Variants in FKBP5 observed in about 807,000 individuals in gnomAD.
FKBP5 encodes the protein peptidyl-prolyl cis-trans isomerase FKBP5.
Under a neutral mutation model 50.5 loss-of-function variants are expected in FKBP5, and 23 were observed. The observed-to-expected ratio is 0.46, with a 90% CI of 0.33 to 0.65. FKBP5 has a LOEUF of 0.65. Among genes scored for constraint, FKBP5 ranks in the 30% least tolerant of loss-of-function variants. The pLI is 0.02. For missense variants in FKBP5, 411 were observed against 553.1 expected (o/e 0.74, Z 2.58); for synonymous variants, 176 against 190.6 (o/e 0.92, Z 0.63).
intron 4 of FKBP5, among the ~76,000 whole-genome samples, chr6:35,619,647 G>T (rs901800937): frequency 1.3e-5 from 2 of 152,140 alleles, no homozygotes; most frequent in Non-Finnish European, 2.9e-5. Context: ...ACCTAGCTGG[G>T]GTGGTTCTTA....
At chr6:35,581,285 AATATAT>A (rs763393400) in intron 8 of FKBP5, 244 of 388,524 alleles carry the variant, frequency 6.3e-4, no homozygotes, top group African/African-American at 5.0e-3. Flanking sequence ...ATATATATAT[AATATAT>A]ATATATATAC....
chr6:35,586,642 A>C, intron 8 of FKBP5: 1 of 1,010,592 alleles, frequency 9.9e-7, no homozygotes, highest in Non-Finnish European at 1.2e-6. Flanking sequence ...AATGATGTGA[A>C]ACTTACCCTT....
intron 2 of FKBP5, among the ~76,000 whole-genome samples, chr6:35,640,319 T>C (rs55922240): frequency 0.066 from 10,095 of 152,270 alleles, 483 homozygotes; most frequent in Admixed American, 0.12. Flanking sequence ...CTGCAGGCAA[T>C]TGTAAAACAG....
intron 2 of FKBP5, among the ~76,000 whole-genome samples, chr6:35,641,007 A>G (rs1764470573): frequency 6.6e-6 from 1 of 152,018 alleles, no homozygotes; most frequent in Non-Finnish European, 1.5e-5. Context: ...TTGAGACAGG[A>G]TCTCACTCTC....
At chr6:35,578,139 A>G (rs1762287506) in intron 9 of FKBP5, among the ~76,000 whole-genome samples, 1 of 152,130 alleles carries the variant, frequency 6.6e-6, no homozygotes, top group African/African-American at 2.4e-5. Flanking sequence ...CATATTAAAA[A>G]AAACCATAAA....
intron 1 of FKBP5, 158 bp downstream of exon 1, chr6:35,688,646 C>T (rs966063774): frequency 4.0e-5 from 6 of 150,796 alleles, no homozygotes; most frequent in African/African-American, 1.5e-4. Context: ...GGCTTCCGGA[C>T]CCCGCTCCCC....
At chr6:35,668,600 TAA>T (rs757116408) in intron 1 of FKBP5, among the ~76,000 whole-genome samples, 5 of 152,232 alleles carry the variant, frequency 3.3e-5, no homozygotes, top group Non-Finnish European at 7.3e-5. Context: ...GGAATAGTTA[TAA>T]GTCACCTCTT....
In FKBP5 at chr6:35,575,758, T is replaced by C. The variant is rs1303929665; in HGVS notation, c.*77A>G. On this transcript the variant is annotated 3_prime_UTR_variant, in exon 11 of 11. Coordinates refer to ENST00000357266, the MANE Select transcript of FKBP5 (RefSeq NM_004117.4). ...CTATAACAAACTTTACATTAAACACTGTTCTGTCCTGAGTTGGGGGAAAGC... is the reference window on the plus strand; with the variant it reads ...CTATAACAAACTTTACATTAAACACCGTTCTGTCCTGAGTTGGGGGAAAGC... 2 of 965,990 alleles carry C rather than the reference T, an allele frequency of 2.1e-6. No individual in the cohort carries two copies. The highest frequency in any genetic ancestry group is 2.4e-5 in the East Asian group (1 of 41,996). The allele number at this position is 965,990 out of a possible 1,614,324, so 59.8% of individuals were successfully genotyped here.
At chr6:35,626,921 T>G (rs1030172351) in intron 3 of FKBP5, among the ~76,000 whole-genome samples, 1 of 152,252 alleles carries the variant, frequency 6.6e-6, no homozygotes, top group Non-Finnish European at 1.5e-5. Flanking sequence ...TTGCTGTTAA[T>G]AATGCTGCTA....
At chr6:35,707,410 G>C (rs1766338522) in intron 2 of FKBP5, among the ~76,000 whole-genome samples, 1 of 151,246 alleles carries the variant, frequency 6.6e-6, no homozygotes, top group Non-Finnish European at 1.5e-5. Context: ...TTTTAGTAGA[G>C]ACGGGGTTTC....
upstream of FKBP5, among the ~76,000 whole-genome samples, chr6:35,689,775 T>G (rs1319184922): frequency 6.6e-6 from 1 of 152,072 alleles, no homozygotes; most frequent in Non-Finnish European, 1.5e-5. Flanking sequence ...AGGCAGAGGT[T>G]GTAGTGAGTC....
chr6:35,585,639 A>C, intron 8 of FKBP5: 1 of 945,200 alleles, frequency 1.1e-6, no homozygotes, highest in Non-Finnish European at 1.3e-6. Flanking sequence ...AATAATGATA[A>C]ATAACATATT....
intron 1 of FKBP5, among the ~76,000 whole-genome samples, chr6:35,677,112 C>T (rs1011063802): frequency 6.6e-5 from 10 of 152,166 alleles, no homozygotes; most frequent in Admixed American, 2.0e-4. Flanking sequence ...CTCCCTCTGT[C>T]GCCCAGGCTG....
chr6:35,597,484 G>A (rs928959165), intron 5 of FKBP5, 80 bp from the exon 6 acceptor site: 5 of 1,461,106 alleles, frequency 3.4e-6, no homozygotes, highest in African/African-American at 1.4e-5. Context: ...ATGAGTGGTC[G>A]ACAATGTAGC....
upstream of FKBP5, among the ~76,000 whole-genome samples, chr6:35,691,025 T>TAAATAAAATA (rs950661118): frequency 4.2e-4 from 63 of 151,668 alleles, 1 homozygote; most frequent in African/African-American, 1.5e-3. Context: ...TAATAATAAA[T>TAAATAAAATA]AAATAAAATA....
chr6:35,584,758 G>T (rs1227880244), intron 8 of FKBP5: 6 of 985,110 alleles, frequency 6.1e-6, no homozygotes, highest in Middle Eastern at 5.2e-4. Flanking sequence ...TTCCCCAATG[G>T]ACTAATGTTT....
intron 1 of FKBP5, among the ~76,000 whole-genome samples, chr6:35,683,139 TG>T (rs1765727038): frequency 7.2e-6 from 1 of 138,018 alleles, no homozygotes; most frequent in Non-Finnish European, 1.5e-5. Flanking sequence ...TGTGTGTGTG[TG>T]TGTGTGTGTG....
At chr6:35,619,693 T>C (rs1469745294) in intron 4 of FKBP5, among the ~76,000 whole-genome samples, 2 of 152,230 alleles carry the variant, frequency 1.3e-5, no homozygotes, top group Non-Finnish European at 2.9e-5. Context: ...TAATTCAACA[T>C]AGGATGAATA....
intron 1 of FKBP5, among the ~76,000 whole-genome samples, chr6:35,644,499 A>G (rs1764576753): frequency 6.6e-6 from 1 of 152,174 alleles, no homozygotes; most frequent in Admixed American, 6.5e-5. Context: ...CACAAATCCA[A>G]TTGTTGTGCC....
Sources: allele counts gnomAD v4.1 joint callset (sites outside exome capture counted in the v4.1 genomes callset), GRCh38; gene constraint gnomAD v4.1.1; transcripts MANE v1.5; gene names NCBI Gene and HGNC (gene_info 2026-07-23, HGNC 2026-07-21).